The following CDH17 variants were observed in gnomAD, a reference collection of about 807,000 sequenced individuals.
CDH17 encodes cadherin 17, also known as cadherin-17.
Under a neutral mutation model 86.3 loss-of-function variants are expected in CDH17, and 67 were observed. That is an observed-to-expected ratio of 0.78 (90% CI 0.64 to 0.95). CDH17 has a LOEUF of 0.95. Among genes scored for constraint, CDH17 ranks in the 40% least tolerant of loss-of-function variants. CDH17 has a pLI of 0.00. For synonymous variants in CDH17, 367 were observed against 366.4 expected, an observed-to-expected ratio of 1.00 and a Z score of -0.02; for missense variants, 993 against 1,017.6, an observed-to-expected ratio of 0.98 and a Z score of 0.33.
intron 12 of CDH17, among the ~76,000 whole-genome samples, chr8:94,154,050 A>G (rs778599653): frequency 6.6e-6 from 1 of 152,234 alleles, no homozygotes; most frequent in Non-Finnish European, 1.5e-5. Context: ...CATCACAAAA[A>G]ATGATAAGTG....
chr8:94,140,993 G>C lies in CDH17; in HGVS notation c.2167+4935C>G, dbSNP rs117951050. Among the ~76,000 whole-genome samples, 564 of 152,196 alleles carry C rather than the reference G, an allele frequency of 3.7e-3. 5 individuals are homozygous for C. The highest frequency in any genetic ancestry group is 5.6e-3 in the South Asian group (27 of 4,828). On this transcript the variant is annotated intron_variant, in intron 15 of 17. Transcript: ENST00000027335. ...ACTTGTCCAGATAATTGAAGATAAA[G>C]AGGTGGAATGCTTCCTCATTATACA...
At chr8:94,168,097 AATATATATATATAT>A (rs529264296) in intron 9 of CDH17, among the ~76,000 whole-genome samples, 929 of 50,584 alleles carry the variant, frequency 0.018, 30 homozygotes, top group Admixed American at 0.032. Flanking sequence ...TACACTGGGG[AATATATATATATAT>A]ATATATATAT....
rs138120243 is a variant in CDH17 at position 94,174,148 on chromosome 8, G to A, written c.537C>T (p.Tyr179=). 144 of 1,613,636 alleles carry A rather than the reference G, an allele frequency of 8.9e-5. No individual in the cohort carries two copies. Among genetic ancestry groups the A allele is most frequent in the Non-Finnish European group, 1.1e-4 (124 of 1,179,794 alleles). Residue 179 remains tyrosine, a synonymous_variant, in exon 6 of 18, where the codon TAC becomes TAT. Transcript: ENST00000027335. The part of the protein sequence containing the change: ...IQLPMINNVM[Y]FQINNKTGAI... The stretch of plus-strand genomic sequence containing the variant: ...CTCCCGTTTTGTTGTTGATCTGAAA[G>A]TACATGACATTGTTGATCATGGGAA...
chr8:94,180,245 G>GA (rs555436728), intron 3 of CDH17, among the ~76,000 whole-genome samples: 16 of 150,282 alleles, frequency 1.1e-4, no homozygotes, highest in East Asian at 5.9e-4. Flanking sequence ...ATTACTGAAA[G>GA]AAAAAAAATG....
intron 11 of CDH17, among the ~76,000 whole-genome samples, chr8:94,161,065 A>C (rs1337769565): frequency 6.6e-6 from 1 of 152,196 alleles, no homozygotes; most frequent in Non-Finnish European, 1.5e-5. Context: ...ACAGCATTGA[A>C]ACAAGCAGGT....
intron 15 of CDH17, 40 bp from the exon 16 acceptor site, chr8:94,131,032 A>G (rs1033456983): frequency 9.8e-7 from 1 of 1,020,108 alleles, no homozygotes; most frequent in African/African-American, 1.6e-5. Flanking sequence ...ACAACTTCAG[A>G]CCCTGGATTA....
chr8:94,188,590 T>C (rs1032360513), intron 3 of CDH17, among the ~76,000 whole-genome samples: 5 of 152,168 alleles, frequency 3.3e-5, no homozygotes, highest in African/African-American at 4.8e-5. Context: ...CCAGGATTAT[T>C]TCTGTGTCTT....
chr8:94,151,737 C>G, intron 13 of CDH17, 131 bp downstream of exon 13: 1 of 1,242,998 alleles, frequency 8.0e-7, no homozygotes, highest in Non-Finnish European at 1.1e-6. Context: ...CTTCCTAAAC[C>G]AAAGCCAATT....
At chr8:94,168,931 A>G (rs768093853) in intron 9 of CDH17, among the ~76,000 whole-genome samples, 19 of 151,900 alleles carry the variant, frequency 1.3e-4, no homozygotes, top group Non-Finnish European at 5.9e-5. Context: ...GCTCTGCCGT[A>G]CTCTTTCCCT....
chr8:94,174,888 T>A lies in CDH17; in HGVS notation c.425-628A>T, dbSNP rs545062347. 1.9e-4 allele frequency among the ~76,000 whole-genome samples: 29 copies of A among 152,306 alleles called. No homozygotes were observed. The South Asian group carries it at 4.8e-3, about 25-fold the overall frequency. On this transcript the variant is annotated intron_variant, in intron 5 of 17. Coordinates refer to ENST00000027335, the MANE Select transcript of CDH17 (RefSeq NM_004063.4). The stretch of plus-strand genomic sequence containing the variant: ...TATTTTTGTCTTTAAAATCAATTAT[T>A]TTTCATTAAAACATGTTGATTAGTG...
intron 1 of CDH17, among the ~76,000 whole-genome samples, chr8:94,206,485 C>T (rs1243891848): frequency 1.3e-5 from 2 of 152,186 alleles, no homozygotes; most frequent in African/African-American, 4.8e-5. Flanking sequence ...TGTCGGCCTC[C>T]AGAGCAAGGA....
At chr8:94,159,913 C>T in intron 12 of CDH17, 58 bp downstream of exon 12, 1 of 1,371,842 alleles carries the variant, frequency 7.3e-7, no homozygotes, top group Non-Finnish European at 1.0e-6. Context: ...TTCACACTGT[C>T]ATTAGTAAAT....
At chr8:94,197,961 T>C (rs1057490039) in intron 1 of CDH17, among the ~76,000 whole-genome samples, 3 of 152,082 alleles carry the variant, frequency 2.0e-5, no homozygotes, top group Non-Finnish European at 4.4e-5. Context: ...GCAATTTGCC[T>C]AAAGACATAC....
At chr8:94,136,356 C>G (rs903248188) in intron 15 of CDH17, among the ~76,000 whole-genome samples, 15 of 151,800 alleles carry the variant, frequency 9.9e-5, no homozygotes, top group African/African-American at 3.6e-4. Flanking sequence ...TTTCTTTTTA[C>G]TCTTTTTTTC....
At chr8:94,144,184 GGAGA>G (rs1264924806) in intron 15 of CDH17, among the ~76,000 whole-genome samples, 1 of 152,036 alleles carries the variant, frequency 6.6e-6, no homozygotes, top group Admixed American at 6.6e-5. Context: ...GGAGGCCCAA[GGAGA>G]GAGAGAGACA....
intron 1 of CDH17, among the ~76,000 whole-genome samples, chr8:94,206,639 ATTT>A (rs35064887): frequency 0.42 from 54,942 of 130,018 alleles, 11,691 homozygotes; most frequent in Non-Finnish European, 0.52. Flanking sequence ...CATCATCCAG[ATTT>A]TTTTTTTTTT....
At chr8:94,191,226 T>A (rs1324371301) in intron 2 of CDH17, among the ~76,000 whole-genome samples, 1 of 152,158 alleles carries the variant, frequency 6.6e-6, no homozygotes, top group Non-Finnish European at 1.5e-5. Flanking sequence ...GTACCTTGTG[T>A]CTGCAGTTGG....
chr8:94,174,543 T>C (rs559378636), intron 5 of CDH17, among the ~76,000 whole-genome samples: 17 of 152,312 alleles, frequency 1.1e-4, no homozygotes, highest in Admixed American at 3.3e-4. Context: ...TACAAGATAA[T>C]TTAATGAATT....
At chr8:94,153,608 C>A (rs1342120565) in intron 12 of CDH17, among the ~76,000 whole-genome samples, 2 of 152,114 alleles carry the variant, frequency 1.3e-5, no homozygotes, top group African/African-American at 4.8e-5. Flanking sequence ...AAGTGTCGAA[C>A]AACAAACAAC....
Sources: gnomAD v4.1 joint callset for allele counts (sites outside exome capture counted in the v4.1 genomes callset) on GRCh38, gnomAD v4.1.1 for gene constraint, MANE v1.5 for transcripts, NCBI Gene and HGNC (gene_info 2026-07-23, HGNC 2026-07-21) for gene names.